The following DYSF variants were observed in gnomAD, a reference collection of about 807,000 sequenced individuals.
DYSF encodes the protein dysferlin.
DYSF carries 212 observed loss-of-function variants against 274.9 expected under a neutral mutation model. The ratio of observed to expected loss-of-function variants is 0.77; its 90% CI spans 0.69 to 0.86. The LOEUF is 0.86. Among genes scored for constraint, DYSF ranks in the 40% least tolerant of loss-of-function variants. DYSF has a pLI of 0.00. For synonymous variants in DYSF, 1,091 were observed against 1,078.7 expected (o/e 1.01, Z -0.22); for missense variants, 2,666 against 2,783.2 (o/e 0.96, Z 0.95).
At chr2:71,459,510 T>A (rs2081199982) in intron 1 of DYSF, among the ~76,000 whole-genome samples, 1 of 152,166 alleles carries the variant, frequency 6.6e-6, no homozygotes, top group African/African-American at 2.4e-5. Context: ...GGACACCTGG[T>A]CTACAGGTGC....
intron 36 of DYSF, among the ~76,000 whole-genome samples, chr2:71,608,570 C>T (rs2093688088): frequency 6.6e-6 from 1 of 152,168 alleles, no homozygotes; most frequent in Non-Finnish European, 1.5e-5. Flanking sequence ...GCCCGACGCT[C>T]CGCAGCTGTG....
intron 22 of DYSF, among the ~76,000 whole-genome samples, chr2:71,560,706 G>GT (rs2091686532): frequency 6.6e-6 from 1 of 152,238 alleles, no homozygotes; most frequent in Admixed American, 6.5e-5. Flanking sequence ...GCGGTAATTG[G>GT]TTCTGCATAG....
chr2:71,617,851 A>G (rs961428227), intron 40 of DYSF, among the ~76,000 whole-genome samples: 95 of 14,390 alleles, frequency 6.6e-3, no homozygotes, highest in South Asian at 0.01. Flanking sequence ...TGTGGTAGAG[A>G]TGGGGTGTGT....
In DYSF at chr2:71,551,160, A is replaced by G. The variant is rs766509442; in HGVS notation, c.1692+4A>G. 1 of 1,613,924 alleles carries G rather than the reference A, an allele frequency of 6.2e-7. No individual in the cohort carries two copies. The highest frequency in any genetic ancestry group is 2.2e-5 in the East Asian group (1 of 44,882). The stretch of plus-strand genomic sequence containing the variant: ...CACAGAGCTCAACACAGGCAAGGTA[A>G]GCCGGCTGGAGCCCTGGCAAGGGCA... On this transcript the variant is annotated splice_donor_region_variant and intron_variant, in intron 18 of 55. Transcript: ENST00000410020.
At chr2:71,583,369 T>G (rs1450919221) in intron 30 of DYSF, among the ~76,000 whole-genome samples, 2 of 152,124 alleles carry the variant, frequency 1.3e-5, no homozygotes, top group Non-Finnish European at 2.9e-5. Flanking sequence ...AGTTGAGTCC[T>G]CCCCATAAAG....
intron 4 of DYSF, among the ~76,000 whole-genome samples, chr2:71,504,593 G>T (rs560108896): frequency 1.3e-5 from 2 of 152,282 alleles, no homozygotes; most frequent in Admixed American, 1.3e-4. Context: ...AACCCTCAAG[G>T]CATGGGACAC....
At chr2:71,643,416 T>C (rs887049288) in intron 41 of DYSF, among the ~76,000 whole-genome samples, 1 of 152,232 alleles carries the variant, frequency 6.6e-6, no homozygotes, top group Admixed American at 6.5e-5. Context: ...TTTCAGGGAC[T>C]CTGCCTTGAT....
At chr2:71,533,378 C>T (rs774668561) in intron 14 of DYSF, among the ~76,000 whole-genome samples, 35 of 152,216 alleles carry the variant, frequency 2.3e-4, no homozygotes, top group Non-Finnish European at 4.0e-4. Context: ...CACCACTCTG[C>T]GCCTTGCTTT....
chr2:71,518,413 C>T (rs112739847), intron 10 of DYSF, among the ~76,000 whole-genome samples: 8,302 of 149,668 alleles, frequency 0.055, 258 homozygotes, highest in Middle Eastern at 0.083. Context: ...TGTGCTACCA[C>T]GCCTGGCAGT....
At chr2:71,580,802 A>G (rs1050586735) in intron 30 of DYSF, among the ~76,000 whole-genome samples, 1 of 152,204 alleles carries the variant, frequency 6.6e-6, no homozygotes, top group African/African-American at 2.4e-5. Context: ...GGGTAACTCT[A>G]AATGCGTGGA....
At position 71,660,585 on chromosome 2, in the gene DYSF, T is replaced by A; in HGVS notation, c.4937T>A (p.Ile1646Lys). 6.2e-7 allele frequency: 1 copy of A among 1,613,956 alleles called. No individual in the cohort carries two copies. The change falls in exon 45 of 56, where the codon ATA becomes AAA. Residue 1646 changes from isoleucine to lysine, a missense_variant. By Grantham distance (102) the Ile-to-Lys change is moderately radical. Around this residue, in one of 3 missense-constraint regions of DYSF, gnomAD observed 1,460 missense variants for 1,502.1 expected, o/e 0.97. Coordinates refer to ENST00000410020, the MANE Select transcript of DYSF (RefSeq NM_001130987.2). ...TGTGATCCTTACATCAAGATCTCCA[T>A]AGGGAAGAAATCAGTGAGTGACCAG... The part of the protein sequence containing the change: ...GKCDPYIKIS[I>K]GKKSVSDQDN...
intron 1 of DYSF, among the ~76,000 whole-genome samples, chr2:71,473,643 A>G (rs1051991953): frequency 6.6e-6 from 1 of 152,180 alleles, no homozygotes; most frequent in African/African-American, 2.4e-5. Flanking sequence ...CCCATTCGCC[A>G]AGCCGATACT....
At chr2:71,553,752 A>AAACCCCCCCCCCCCCCCACCCG in intron 20 of DYSF, 55 bp from the exon 21 acceptor site, 2 of 267,804 alleles carry the variant, frequency 7.5e-6, no homozygotes, top group Non-Finnish European at 1.3e-5. Context: ...TTAGCACCCC[A>AAACCCCCCCCCCCCCCCACCCG]TCCCACCCGC....
chr2:71,584,655 G>A (rs1056162114), intron 30 of DYSF, among the ~76,000 whole-genome samples: 7 of 152,140 alleles, frequency 4.6e-5, no homozygotes, highest in African/African-American at 9.7e-5. Flanking sequence ...TTCATTGGAC[G>A]CCCACTACAT....
chr2:71,470,056 T>C (rs961337410), intron 1 of DYSF, among the ~76,000 whole-genome samples: 3 of 152,214 alleles, frequency 2.0e-5, no homozygotes, highest in African/African-American at 7.2e-5. Context: ...CTTATTTCCT[T>C]GAAGGCCAGA....
chr2:71,567,821 CAG>C (rs2092192693), intron 24 of DYSF, 128 bp from the exon 25 acceptor site: 1 of 1,378,810 alleles, frequency 7.3e-7, no homozygotes, highest in African/African-American at 1.4e-5. Context: ...AGCGCTCCCA[CAG>C]GGGACACTCC....
chr2:71,515,621 A>T lies in DYSF; in HGVS notation c.760-2A>T. On this transcript the variant is annotated splice_acceptor_variant, in intron 7 of 55. Coordinates refer to ENST00000410020, the MANE Select transcript of DYSF (RefSeq NM_001130987.2). LOFTEE classifies it high-confidence loss of function. ...CTGCTCTTTCCTCCTTCTGGCTTTC[A>T]GATCAGGGTCCAGGTGATCGAGGGG... The T allele has an allele frequency of 6.2e-7, 1 of 1,613,886 alleles. No individual in the cohort carries two copies. Among genetic ancestry groups the T allele is most frequent in the Non-Finnish European group, 8.5e-7 (1 of 1,179,862 alleles).
chr2:71,575,981 T>C (rs1558517918), intron 30 of DYSF, among the ~76,000 whole-genome samples: 2 of 152,200 alleles, frequency 1.3e-5, no homozygotes, highest in Non-Finnish European at 2.9e-5. Flanking sequence ...AAAGTCCTGC[T>C]AGATAAAGTA....
intron 22 of DYSF, among the ~76,000 whole-genome samples, chr2:71,559,833 A>G (rs1011328727): frequency 4.6e-5 from 7 of 152,200 alleles, no homozygotes; most frequent in Non-Finnish European, 8.8e-5. Context: ...GCCAGGTCTC[A>G]TCTCTGGAGG....
Sources: gnomAD v4.1 joint callset for allele counts (sites outside exome capture counted in the v4.1 genomes callset) on GRCh38, gnomAD v4.1.1 for gene constraint, gnomAD v4.1.1 regional missense constraint, MANE v1.5 for transcripts, NCBI Gene and HGNC (gene_info 2026-07-23, HGNC 2026-07-21) for gene names.